ZMAT4: variants seen among roughly 807,000 people sequenced by gnomAD.
The protein encoded by ZMAT4 is zinc finger matrin-type 4.
A neutral mutation model predicts 28.7 loss-of-function variants in ZMAT4; 17 were observed. The ratio of observed to expected loss-of-function variants is 0.59; its 90% CI spans 0.41 to 0.89. The LOEUF is 0.89. ZMAT4 is among the 40% of genes least tolerant of loss of function. The pLI is 0.00. For synonymous variants in ZMAT4, 117 were observed against 109.2 expected, an observed-to-expected ratio of 1.07 and a Z score of -0.44; for missense variants, 240 against 283.8, an observed-to-expected ratio of 0.85 and a Z score of 1.11.
chr8:40,722,631 T>C (rs1186265473), intron 3 of ZMAT4, among the ~76,000 whole-genome samples: 1 of 152,178 alleles, frequency 6.6e-6, no homozygotes, highest in Non-Finnish European at 1.5e-5. Flanking sequence ...CTCTTTTTTC[T>C]TTGATGCATA....
intron 2 of ZMAT4, among the ~76,000 whole-genome samples, chr8:40,823,114 G>A (rs12547712): frequency 6.6e-6 from 1 of 152,074 alleles, no homozygotes; most frequent in Admixed American, 6.6e-5. Context: ...AGGGTCACCA[G>A]TGCAGTTTTT....
intron 5 of ZMAT4, among the ~76,000 whole-genome samples, chr8:40,613,514 C>T (rs150875914): frequency 6.7e-6 from 1 of 148,868 alleles, no homozygotes; most frequent in African/African-American, 2.6e-5. Context: ...GTGAAATACA[C>T]TTTGCCCTTT....
chr8:40,856,289 G>C (rs1817296660), intron 1 of ZMAT4, among the ~76,000 whole-genome samples: 1 of 152,164 alleles, frequency 6.6e-6, no homozygotes, highest in African/African-American at 2.4e-5. Flanking sequence ...GCTAGATTTG[G>C]TGTCCTGAGA....
At chr8:40,675,363 GA>G (rs927647532) in intron 4 of ZMAT4, among the ~76,000 whole-genome samples, 3 of 151,552 alleles carry the variant, frequency 2.0e-5, no homozygotes, top group African/African-American at 7.3e-5. Context: ...GGCATTTAGA[GA>G]AAAAAAATGT....
rs144519955 is a variant in ZMAT4, at chr8:40,637,357, G to C, written c.577+37347C>G. ...GAGCACCAAATCAGAATTATTGACA[G>C]TGAGGCTGACTCAAACTTGAAGAGG... On this transcript the variant is annotated intron_variant, in intron 5 of 6. Coordinates refer to ENST00000297737, the MANE Select transcript of ZMAT4 (RefSeq NM_024645.3). Among the ~76,000 whole-genome samples the C allele has an allele frequency of 5.5e-3, 838 of 152,316 alleles. 12 individuals are homozygous for C. Among genetic ancestry groups the C allele is most frequent in the African/African-American group, 0.019 (790 of 41,578 alleles).
At chr8:40,762,974 G>A (rs1331809023) in intron 3 of ZMAT4, among the ~76,000 whole-genome samples, 1 of 152,174 alleles carries the variant, frequency 6.6e-6, no homozygotes, top group African/African-American at 2.4e-5. Context: ...AATGCTGACT[G>A]CACACTCAAA....
chr8:40,773,620 C>CT (rs1241804805), intron 2 of ZMAT4, among the ~76,000 whole-genome samples: 4 of 152,110 alleles, frequency 2.6e-5, no homozygotes, highest in Non-Finnish European at 4.4e-5. Context: ...TTAAATGGCA[C>CT]TTTTTTGTCA....
intron 5 of ZMAT4, among the ~76,000 whole-genome samples, chr8:40,663,835 T>C (rs537945805): frequency 1.3e-5 from 2 of 152,354 alleles, no homozygotes; most frequent in East Asian, 3.9e-4. Flanking sequence ...TTTCTGCTGA[T>C]TCTTAACTAG....
chr8:40,779,836 G>A (rs1236533191), intron 2 of ZMAT4, among the ~76,000 whole-genome samples: 1 of 152,160 alleles, frequency 6.6e-6, no homozygotes, highest in Non-Finnish European at 1.5e-5. Flanking sequence ...CAGCTGGATA[G>A]CACCTCAGTG....
chr8:40,786,587 G>A, intron 2 of ZMAT4: 1 of 775,402 alleles, frequency 1.3e-6, no homozygotes, highest in Non-Finnish European at 1.8e-6. Flanking sequence ...AGAACAGCCA[G>A]CATGCACGTT....
At chr8:40,643,554 T>C (rs1807151093) in intron 5 of ZMAT4, among the ~76,000 whole-genome samples, 1 of 152,072 alleles carries the variant, frequency 6.6e-6, no homozygotes. Context: ...GAAACAAAGA[T>C]ACAAGGTCTC....
intron 5 of ZMAT4, among the ~76,000 whole-genome samples, chr8:40,596,479 A>T (rs1255733872): frequency 6.6e-6 from 1 of 152,162 alleles, no homozygotes; most frequent in African/African-American, 2.4e-5. Flanking sequence ...TATTTTTGAA[A>T]TTTTTGATTT....
intron 2 of ZMAT4, among the ~76,000 whole-genome samples, chr8:40,798,635 G>C (rs1325185838): frequency 6.6e-6 from 1 of 152,128 alleles, no homozygotes; most frequent in Non-Finnish European, 1.5e-5. Context: ...ACTTCTGTTG[G>C]CTCTGACAGA....
chr8:40,610,723 C>T (rs558312321), intron 5 of ZMAT4, among the ~76,000 whole-genome samples: 1 of 151,512 alleles, frequency 6.6e-6, no homozygotes, highest in East Asian at 1.9e-4. Flanking sequence ...TCATGTTTTC[C>T]TTGAGACTGT....
chr8:40,873,219 C>T (rs544532883), intron 1 of ZMAT4, among the ~76,000 whole-genome samples: 1 of 152,332 alleles, frequency 6.6e-6, no homozygotes, highest in South Asian at 2.1e-4. Flanking sequence ...GGATGCACTG[C>T]CACATGTGCA....
In ZMAT4 at chr8:40,875,826, C is replaced by A. The variant is rs186034998; in HGVS notation, c.-5+21857G>T. Among the ~76,000 whole-genome samples, 1,351 of 152,274 alleles carry A rather than the reference C, an allele frequency of 8.9e-3. 11 individuals are homozygous for A. Among genetic ancestry groups the A allele is most frequent in the Admixed American group, 0.013 (204 of 15,304 alleles). ...TGCATCCATCTGGCCCAGGACCCAA[C>A]CCCCCTGAGACTTTCCTTGTAGGTG... On this transcript the variant is annotated intron_variant, in intron 1 of 6. Coordinates refer to ENST00000297737, the MANE Select transcript of ZMAT4 (RefSeq NM_024645.3).
At chr8:40,843,828 T>C (rs1816785812) in intron 1 of ZMAT4, among the ~76,000 whole-genome samples, 1 of 152,056 alleles carries the variant, frequency 6.6e-6, no homozygotes, top group East Asian at 1.9e-4. Flanking sequence ...ATCAGTTGAG[T>C]GGGTTTGATG....
intron 2 of ZMAT4, among the ~76,000 whole-genome samples, chr8:40,784,003 C>A (rs1813955945): frequency 6.6e-6 from 1 of 152,064 alleles, no homozygotes; most frequent in South Asian, 2.1e-4. Context: ...AAGAGCGAAA[C>A]TCCATCTCAA....
intron 1 of ZMAT4, among the ~76,000 whole-genome samples, chr8:40,875,981 A>G (rs1818029847): frequency 6.6e-6 from 1 of 152,204 alleles, no homozygotes; most frequent in Admixed American, 6.5e-5. Flanking sequence ...AAGGGTGGCG[A>G]CAGGCTGTTC....
Sources: allele counts gnomAD v4.1 joint callset (sites outside exome capture counted in the v4.1 genomes callset), GRCh38; gene constraint gnomAD v4.1.1; transcripts MANE v1.5; gene names NCBI Gene and HGNC (gene_info 2026-07-23, HGNC 2026-07-21).